The following DCAF6 variants were observed in gnomAD, a reference collection of about 807,000 sequenced individuals.
The protein encoded by DCAF6 is DDB1 and CUL4 associated factor 6.
A neutral mutation model predicts 125.1 loss-of-function variants in DCAF6; 54 were observed. The observed-to-expected ratio is 0.43, with a 90% CI of 0.35 to 0.54. DCAF6 has a LOEUF of 0.54. DCAF6 is among the 20% of genes least tolerant of loss of function. The pLI, the probability that DCAF6 is intolerant of heterozygous loss-of-function variation, is 0.01. For synonymous variants in DCAF6, 371 were observed against 390.4 expected (o/e 0.95, Z 0.58); for missense variants, 934 against 1,161.7 (o/e 0.80, Z 2.85).
intron 2 of DCAF6, among the ~76,000 whole-genome samples, chr1:167,952,964 CATCCACCTTGCTGAAG>C (rs1212940776): frequency 2.0e-5 from 3 of 152,152 alleles, no homozygotes; most frequent in African/African-American, 4.8e-5. Flanking sequence ...TTTCTTCCCC[CATCCACCTTGCTGAAG>C]ATCCACCTTG....
chr1:168,058,193 G>A (rs1187724625), intron 17 of DCAF6, among the ~76,000 whole-genome samples: 1 of 151,848 alleles, frequency 6.6e-6, no homozygotes, highest in Non-Finnish European at 1.5e-5. Context: ...ATCCATATTT[G>A]ACTAAACCAC....
chr1:167,903,268 TAATA>T, the DCAF6 span, among the ~76,000 whole-genome samples: 2 of 140,032 alleles, frequency 1.4e-5, no homozygotes, highest in East Asian at 2.0e-4. Flanking sequence ...AAAAAAAAAT[TAATA>T]AATAAAAATA....
upstream of DCAF6, chr1:167,935,990 C>A: frequency 6.2e-6 from 4 of 648,920 alleles, no homozygotes; most frequent in Non-Finnish European, 2.7e-6. Flanking sequence ...TTTCCCTGCC[C>A]GCTGTGAACC....
chr1:168,005,913 G>A (rs752283767), intron 10 of DCAF6, among the ~76,000 whole-genome samples: 9 of 152,082 alleles, frequency 5.9e-5, no homozygotes, highest in Non-Finnish European at 1.0e-4. Context: ...AGTTGACATA[G>A]CATTTTAATT....
intron 3 of DCAF6, among the ~76,000 whole-genome samples, chr1:167,974,181 A>G (rs549216372): frequency 2.0e-5 from 3 of 152,164 alleles, no homozygotes; most frequent in East Asian, 3.9e-4. Flanking sequence ...GTATATCTGC[A>G]TGTATACTGT....
At chr1:167,879,669 A>G in the DCAF6 span, among the ~76,000 whole-genome samples, 1 of 152,142 alleles carries the variant, frequency 6.6e-6, no homozygotes, top group Non-Finnish European at 1.5e-5. Flanking sequence ...AAAATCTTAA[A>G]CCCTGATAGG....
chr1:167,929,741 G>T, the DCAF6 span, among the ~76,000 whole-genome samples: 1 of 152,002 alleles, frequency 6.6e-6, no homozygotes, highest in East Asian at 1.9e-4. Flanking sequence ...TAACTTTTTG[G>T]AACAGAATAG....
At chr1:167,902,089 A>C in the DCAF6 span, 2 of 1,593,452 alleles carry the variant, frequency 1.3e-6, no homozygotes, top group South Asian at 2.2e-5. Flanking sequence ...TCAAACCCTG[A>C]TTCCTTAAAG....
intron 2 of DCAF6, among the ~76,000 whole-genome samples, chr1:167,952,175 CT>C (rs34954529): frequency 1.9e-4 from 29 of 151,824 alleles, no homozygotes; most frequent in African/African-American, 3.6e-4. Context: ...AACATATCCT[CT>C]TTTTTTTCAT....
At chr1:167,938,311 A>G (rs1671666782) in intron 1 of DCAF6, among the ~76,000 whole-genome samples, 2 of 152,190 alleles carry the variant, frequency 1.3e-5, no homozygotes, top group Non-Finnish European at 2.9e-5. Flanking sequence ...GCATGGTGTC[A>G]TATTGTAAAC....
chr1:168,066,006 T>G (rs1284245867), intron 19 of DCAF6, among the ~76,000 whole-genome samples: 1 of 152,228 alleles, frequency 6.6e-6, no homozygotes, highest in Non-Finnish European at 1.5e-5. Flanking sequence ...AGGTTTGGTG[T>G]GACTGAACTT....
chr1:167,937,373 T>G, intron 1 of DCAF6: 1 of 234,954 alleles, frequency 4.3e-6, no homozygotes, highest in Non-Finnish European at 8.8e-6. Context: ...CCAGCGCGCT[T>G]TCCCCGCTCA....
chr1:167,877,990 T>C, the DCAF6 span, among the ~76,000 whole-genome samples: 2 of 152,226 alleles, frequency 1.3e-5, no homozygotes, highest in South Asian at 4.1e-4. Context: ...GATTTTAAGC[T>C]TCAAAGTGAC....
chr1:167,901,820 A>G, the DCAF6 span: 5 of 1,614,226 alleles, frequency 3.1e-6, 1 homozygote, highest in South Asian at 5.5e-5. Context: ...AGAGAGAGAC[A>G]TGCCGCGGGC....
intron 18 of DCAF6, among the ~76,000 whole-genome samples, chr1:168,064,947 A>C (rs1692140096): frequency 1.3e-5 from 2 of 152,206 alleles, no homozygotes; most frequent in African/African-American, 4.8e-5. Flanking sequence ...CAATTGTGTT[A>C]GCTTATAATA....
At chr1:168,049,646 A>ATTTTTTTTTTTTT (rs756012977) in intron 16 of DCAF6, among the ~76,000 whole-genome samples, 1 of 90,300 alleles carries the variant, frequency 1.1e-5, no homozygotes, top group Non-Finnish European at 2.1e-5. Flanking sequence ...TCTGCATATA[A>ATTTTTTTTTTTTT]TTTTTTTTTT....
intron 12 of DCAF6, among the ~76,000 whole-genome samples, chr1:168,025,985 G>A (rs1464542112): frequency 2.0e-5 from 3 of 152,014 alleles, no homozygotes; most frequent in Admixed American, 6.5e-5. Context: ...TACATCCCTT[G>A]TACAGGCTGT....
At chr1:167,954,045 C>G (rs1674385941) in intron 2 of DCAF6, among the ~76,000 whole-genome samples, 1 of 152,104 alleles carries the variant, frequency 6.6e-6, no homozygotes, top group South Asian at 2.1e-4. Context: ...CTCACTCCGT[C>G]TTCCAGGCTG....
intron 21 of DCAF6, among the ~76,000 whole-genome samples, chr1:168,073,751 C>T (rs1429464812): frequency 6.6e-6 from 1 of 151,874 alleles, no homozygotes; most frequent in African/African-American, 2.4e-5. Flanking sequence ...ACTCAGGATT[C>T]CCATTCCTGA....
Sources: allele counts gnomAD v4.1 joint callset (sites outside exome capture counted in the v4.1 genomes callset), GRCh38; gene constraint gnomAD v4.1.1; transcripts MANE v1.5; gene names NCBI Gene and HGNC (gene_info 2026-07-23, HGNC 2026-07-21).